Variants in MECOM observed in about 807,000 individuals in gnomAD.
MECOM encodes MDS1 and EVI1 complex locus.
A neutral mutation model predicts 116.3 loss-of-function variants in MECOM; 13 were observed. The ratio of observed to expected loss-of-function variants is 0.11; its 90% CI spans 0.07 to 0.18. The LOEUF (loss-of-function observed/expected upper bound fraction) is 0.18, where lower values mean the gene tolerates loss of function less well. Among genes scored for constraint, MECOM ranks in the 10% least tolerant of loss-of-function variants. The pLI is 1.00. For synonymous variants in MECOM, 528 were observed against 535.2 expected (o/e 0.99, Z 0.19); for missense variants, 1,299 against 1,509.0 (o/e 0.86, Z 2.31).
At chr3:169,561,520 T>A (rs1224021337) in intron 1 of MECOM, among the ~76,000 whole-genome samples, 3 of 152,152 alleles carry the variant, frequency 2.0e-5, no homozygotes, top group Non-Finnish European at 4.4e-5. Flanking sequence ...AAATAAAGTT[T>A]TAAAGCATAC....
intron 1 of MECOM, among the ~76,000 whole-genome samples, chr3:169,451,531 G>C (rs1411290064): frequency 6.6e-6 from 1 of 152,048 alleles, no homozygotes; most frequent in Middle Eastern, 3.2e-3. Flanking sequence ...TATATCTCCA[G>C]GTACTCCACC....
Position 169,657,224 on chromosome 3 carries a change from T to G in MECOM, c.37+6112A>C, listed in dbSNP as rs571247035. Among the ~76,000 whole-genome samples, 53 of 152,368 alleles carry G rather than the reference T, an allele frequency of 3.5e-4. No individual in the cohort carries two copies. In the East Asian group the frequency reaches 9.1e-3, roughly 26 times the overall value. ...AAAGTTACACAGTCAAGGCTCCCTT[T>G]AGACGCAGTTAATATTTCACTTACT... On this transcript the variant is annotated intron_variant, in intron 1 of 16. Transcript: ENST00000651503.
At chr3:169,163,665 A>G (rs1743163031) in intron 2 of MECOM, among the ~76,000 whole-genome samples, 1 of 152,046 alleles carries the variant, frequency 6.6e-6, no homozygotes, top group Non-Finnish European at 1.5e-5. Context: ...TCAAACCCTG[A>G]TCAATCTGCC....
chr3:169,453,347 T>G (rs553516466), intron 1 of MECOM, among the ~76,000 whole-genome samples: 7 of 152,322 alleles, frequency 4.6e-5, no homozygotes, highest in African/African-American at 1.7e-4. Context: ...GATAAAGATG[T>G]ATGTTTTTGA....
At chr3:169,320,155 T>C (rs1720602398) in intron 2 of MECOM, among the ~76,000 whole-genome samples, 1 of 152,130 alleles carries the variant, frequency 6.6e-6, no homozygotes. Context: ...TGGATGCGGA[T>C]TTTAGAATGT....
intron 2 of MECOM, among the ~76,000 whole-genome samples, chr3:169,154,976 A>G (rs933934546): frequency 1.3e-5 from 2 of 152,102 alleles, no homozygotes; most frequent in Non-Finnish European, 2.9e-5. Flanking sequence ...GTTCTTCCTT[A>G]CTTACAGGTG....
chr3:169,637,431 A>G (rs1417275262), intron 1 of MECOM, among the ~76,000 whole-genome samples: 1 of 152,238 alleles, frequency 6.6e-6, no homozygotes, highest in Non-Finnish European at 1.5e-5. Context: ...GAGACTGTGG[A>G]TAGCAGAATC....
rs530017120 is a variant in MECOM at position 169,561,894 on chromosome 3, C to A, written c.37+101442G>T. The stretch of plus-strand genomic sequence containing the variant: ...GGCATGTGTGCTCACACCTGTAATC[C>A]TAGCACTTTGGGAGGCCTAAGAGGG... On this transcript the variant is annotated intron_variant, in intron 1 of 16. Transcript: ENST00000651503. 2.6e-5 allele frequency among the ~76,000 whole-genome samples: 4 copies of A among 151,662 alleles called. No homozygotes were observed. The East Asian group carries it at 7.8e-4, about 29-fold the overall frequency.
At chr3:169,520,517 A>G (rs1380805129) in intron 1 of MECOM, among the ~76,000 whole-genome samples, 1 of 152,194 alleles carries the variant, frequency 6.6e-6, no homozygotes, top group Non-Finnish European at 1.5e-5. Flanking sequence ...AGTAACATTA[A>G]TATGGATCTT....
chr3:169,531,505 C>A (rs1381534789), intron 1 of MECOM, among the ~76,000 whole-genome samples: 3 of 152,156 alleles, frequency 2.0e-5, no homozygotes, highest in African/African-American at 7.2e-5. Context: ...AGACATTTTT[C>A]CCCATTTTAC....
At chr3:169,538,376 G>A (rs1759647187) in intron 1 of MECOM, among the ~76,000 whole-genome samples, 1 of 152,032 alleles carries the variant, frequency 6.6e-6, no homozygotes, top group Non-Finnish European at 1.5e-5. Flanking sequence ...TAATTCATTG[G>A]ATAATCCCTT....
At chr3:169,234,862 T>C (rs921793441) in intron 2 of MECOM, among the ~76,000 whole-genome samples, 4 of 152,356 alleles carry the variant, frequency 2.6e-5, no homozygotes, top group South Asian at 2.1e-4. Context: ...CCCAGACTTA[T>C]GGTTCCCAGA....
At chr3:169,600,488 GC>G (rs1767703957) in intron 1 of MECOM, among the ~76,000 whole-genome samples, 1 of 152,138 alleles carries the variant, frequency 6.6e-6, no homozygotes, top group African/African-American at 2.4e-5. Flanking sequence ...CCTAAAATGT[GC>G]TAAGTATCAT....
chr3:169,116,675 A>G lies in MECOM; in HGVS notation c.1197T>C (p.Ala399=), dbSNP rs1357840345. The change falls in exon 8 of 17, where the codon GCT becomes GCC. Residue 399 remains alanine, a synonymous_variant. Coordinates refer to ENST00000651503, the MANE Select transcript of MECOM (RefSeq NM_004991.4). Reference sequence around the variant, plus strand: ...TGCACTTGATTTGGGTTCTGCAATCAGCATGCATGCGCTTATGACGGCAAA... The same window carrying G: ...TGCACTTGATTTGGGTTCTGCAATCGGCATGCATGCGCTTATGACGGCAAA... ...SNLCRHKRMH[A]DCRTQIKCKD... is the part of the protein sequence containing the mutation. 6 of 1,614,040 alleles carry G rather than the reference A, an allele frequency of 3.7e-6. No individual in the cohort carries two copies. Among genetic ancestry groups the G allele is most frequent in the Middle Eastern group, 1.6e-4 (1 of 6,084 alleles).
At chr3:169,263,103 A>G (rs867665788) in intron 2 of MECOM, among the ~76,000 whole-genome samples, 1,682 of 84,980 alleles carry the variant, frequency 0.02, 185 homozygotes, top group African/African-American at 0.082. Context: ...ATATATATAT[A>G]TATATATATA....
intron 2 of MECOM, among the ~76,000 whole-genome samples, chr3:169,280,993 T>C (rs1038457849): frequency 3.9e-5 from 6 of 152,228 alleles, no homozygotes; most frequent in African/African-American, 1.4e-4. Flanking sequence ...GAACCAGTCA[T>C]AACCAATTTC....
intron 1 of MECOM, among the ~76,000 whole-genome samples, chr3:169,454,242 T>C (rs1428147144): frequency 2.0e-5 from 3 of 152,160 alleles, no homozygotes; most frequent in African/African-American, 4.8e-5. Flanking sequence ...ACAAATAACC[T>C]TTACAAGAGT....
intron 2 of MECOM, among the ~76,000 whole-genome samples, chr3:169,371,375 T>A (rs938338547): frequency 6.6e-5 from 10 of 151,876 alleles, no homozygotes; most frequent in Non-Finnish European, 1.5e-4. Context: ...AATGGGGAGA[T>A]GTTGGTTAAA....
chr3:169,606,955 A>G (rs1289243455), intron 1 of MECOM, among the ~76,000 whole-genome samples: 1 of 152,226 alleles, frequency 6.6e-6, no homozygotes, highest in African/African-American at 2.4e-5. Flanking sequence ...GAATAGCCAT[A>G]TGCCTCAGTA....
Sources: allele counts gnomAD v4.1 joint callset (sites outside exome capture counted in the v4.1 genomes callset), GRCh38; gene constraint gnomAD v4.1.1; transcripts MANE v1.5; gene names NCBI Gene and HGNC (gene_info 2026-07-23, HGNC 2026-07-21).